Variants in GSG1L observed in about 807,000 individuals in gnomAD.
GSG1L encodes the protein GSG1 like, also known as germ cell-specific gene 1-like protein.
Under a neutral mutation model 42.1 loss-of-function variants are expected in GSG1L, and 24 were observed. The ratio of observed to expected loss-of-function variants is 0.57; its 90% confidence interval spans 0.41 to 0.80. The LOEUF (loss-of-function observed/expected upper bound fraction) is 0.80, where lower values mean the gene tolerates loss of function less well. Ranked by LOEUF, GSG1L falls within the 30% of genes least tolerant of loss-of-function variation. GSG1L has a pLI of 0.00. For missense variants in GSG1L, 445 were observed against 472.2 expected (o/e 0.94, Z 0.53); for synonymous variants, 215 against 203.5 (o/e 1.06, Z -0.48).
chr16:28,031,877 C>T (rs1276098228), intron 1 of GSG1L, among the ~76,000 whole-genome samples: 1 of 152,222 alleles, frequency 6.6e-6, no homozygotes, highest in Non-Finnish European at 1.5e-5. Context: ...AGCAGCCACT[C>T]CACAGAGATC....
At chr16:28,049,338 T>C (rs2086197699) in intron 1 of GSG1L, among the ~76,000 whole-genome samples, 1 of 152,166 alleles carries the variant, frequency 6.6e-6, no homozygotes, top group Non-Finnish European at 1.5e-5. Context: ...CAACTCTTGA[T>C]GAAGAAATTA....
intron 5 of GSG1L, among the ~76,000 whole-genome samples, chr16:27,823,285 G>GCATACTGGTCCTTCCACATGAC (rs1372092127): frequency 6.6e-6 from 1 of 152,118 alleles, no homozygotes; most frequent in East Asian, 1.9e-4. Flanking sequence ...CAACACATGT[G>GCATACTGGTCCTTCCACATGAC]CATACTGGTC....
intron 2 of GSG1L, among the ~76,000 whole-genome samples, chr16:27,888,949 G>GATATAGAT (rs1374724661): frequency 9.3e-5 from 14 of 151,132 alleles, no homozygotes; most frequent in African/African-American, 3.4e-4. Context: ...TATAGATATA[G>GATATAGAT]ATATAGATAT....
chr16:27,897,488 T>C lies in GSG1L; in HGVS notation c.398-12850A>G, dbSNP rs145826272. Among the ~76,000 whole-genome samples the C allele has an allele frequency of 5.9e-5, 9 of 152,266 alleles. No individual in the cohort carries two copies. The East Asian group carries it at 1.2e-3, about 20-fold the overall frequency. ...TAATTTTTTAAATTTTTTGTAGAGA[T>C]GAGGTCTCACCCTATTGCCCAGGGT... On this transcript the variant is annotated intron_variant, in intron 2 of 6. Transcript: ENST00000447459.
intron 1 of GSG1L, among the ~76,000 whole-genome samples, chr16:28,020,818 G>A (rs1041400393): frequency 1.3e-5 from 2 of 152,170 alleles, no homozygotes; most frequent in African/African-American, 4.8e-5. Context: ...ATGGGGAAAG[G>A]AGCTAACTAG....
chr16:28,057,378 A>C (rs775986009), intron 1 of GSG1L, among the ~76,000 whole-genome samples: 16 of 152,254 alleles, frequency 1.1e-4, no homozygotes, highest in Non-Finnish European at 2.2e-4. Flanking sequence ...TGGAGGCCTG[A>C]GCTCCTAGAA....
intron 2 of GSG1L, among the ~76,000 whole-genome samples, chr16:27,901,524 A>C (rs1203087580): frequency 6.6e-6 from 1 of 152,198 alleles, no homozygotes; most frequent in African/African-American, 2.4e-5. Context: ...AGAATGAAGA[A>C]TCTCTGCTAC....
At chr16:27,849,194 T>TCCC (rs148854172) in intron 3 of GSG1L, among the ~76,000 whole-genome samples, 1 of 45,068 alleles carries the variant, frequency 2.2e-5, no homozygotes, top group Non-Finnish European at 3.7e-5. Flanking sequence ...TGAGCCTCTA[T>TCCC]CCCAAAAAGA....
At chr16:27,874,347 A>T (rs1336357460) in intron 3 of GSG1L, among the ~76,000 whole-genome samples, 1 of 150,374 alleles carries the variant, frequency 6.7e-6, no homozygotes, top group Non-Finnish European at 1.5e-5. Context: ...GGAGATTGAG[A>T]TCATCTACAC....
intron 2 of GSG1L, among the ~76,000 whole-genome samples, chr16:27,886,844 A>T (rs1303110515): frequency 6.6e-6 from 1 of 152,232 alleles, no homozygotes; most frequent in Non-Finnish European, 1.5e-5. Flanking sequence ...GGGCAGTCAG[A>T]CATGGACCCA....
At chr16:27,811,810 G>T (rs893924980) in intron 5 of GSG1L, among the ~76,000 whole-genome samples, 26 of 152,220 alleles carry the variant, frequency 1.7e-4, no homozygotes, top group Admixed American at 4.6e-4. Flanking sequence ...CACCATGTTT[G>T]GTTATTTTTT....
chr16:27,893,751 T>G (rs1158885864), intron 2 of GSG1L, among the ~76,000 whole-genome samples: 1 of 151,824 alleles, frequency 6.6e-6, no homozygotes, highest in African/African-American at 2.4e-5. Context: ...AGCTAATTTT[T>G]TATTTTCATT....
intron 2 of GSG1L, among the ~76,000 whole-genome samples, chr16:27,905,914 A>C (rs1382503074): frequency 2.0e-5 from 3 of 151,958 alleles, no homozygotes; most frequent in African/African-American, 7.3e-5. Flanking sequence ...TGGCTTTATC[A>C]CTGTGGCAGA....
chr16:27,884,020 G>A lies in GSG1L; in HGVS notation c.550+466C>T, dbSNP rs549682349. On this transcript the variant is annotated intron_variant, in intron 3 of 6. Coordinates refer to ENST00000447459, the MANE Select transcript of GSG1L (RefSeq NM_001109763.2). The surrounding 1 kb of genome is among the most constrained non-coding windows in gnomAD (Gnocchi z 4.4). ...ACTTCCCATGCAGCATCTCCACGTG[G>A]AGTTCTCAAAGCCAGATGAGCTCAG... 7.2e-4 allele frequency among the ~76,000 whole-genome samples: 109 copies of A among 152,310 alleles called. 1 individual carries two copies. The highest frequency in any genetic ancestry group is 2.6e-3 in the African/African-American group (106 of 41,558).
intron 3 of GSG1L, chr16:27,850,610 C>T (rs1172907122): frequency 4.4e-6 from 2 of 455,364 alleles, no homozygotes; most frequent in Non-Finnish European, 8.8e-6. Context: ...GGAAAACCAG[C>T]GTGGAGTCTT....
intron 1 of GSG1L, among the ~76,000 whole-genome samples, chr16:28,050,916 C>A (rs2086215693): frequency 6.6e-6 from 1 of 152,186 alleles, no homozygotes; most frequent in Admixed American, 6.5e-5. Context: ...ACTGAATCCA[C>A]AAGTAAGGGC....
chr16:27,985,606 G>T (rs1487693374), intron 1 of GSG1L, among the ~76,000 whole-genome samples: 3 of 152,042 alleles, frequency 2.0e-5, no homozygotes, highest in Non-Finnish European at 2.9e-5. Flanking sequence ...CACTTTGGGA[G>T]GCCGAGGTGG....
chr16:27,909,098 C>G (rs2084351567), intron 2 of GSG1L, among the ~76,000 whole-genome samples: 1 of 152,138 alleles, frequency 6.6e-6, no homozygotes, highest in South Asian at 2.1e-4. Flanking sequence ...ATGACAATAA[C>G]ATCACCCATC....
intron 5 of GSG1L, among the ~76,000 whole-genome samples, chr16:27,820,217 G>A (rs547696720): frequency 5.3e-5 from 8 of 152,302 alleles, no homozygotes; most frequent in East Asian, 1.9e-4. Context: ...ATATGGCATC[G>A]GGTGGGGCGG....
Sources: gnomAD v4.1 joint callset for allele counts (sites outside exome capture counted in the v4.1 genomes callset) on GRCh38, gnomAD v4.1.1 for gene constraint, Gnocchi (gnomAD v3.1) non-coding constraint, MANE v1.5 for transcripts, NCBI Gene and HGNC (gene_info 2026-07-23, HGNC 2026-07-21) for gene names.